ENPEP: variants seen among roughly 807,000 people sequenced by gnomAD.
The protein encoded by ENPEP is AP-A.
A neutral mutation model predicts 114.5 loss-of-function variants in ENPEP; 103 were observed. The ratio of observed to expected loss-of-function variants is 0.90; its 90% CI spans 0.77 to 1.06. The LOEUF is 1.06. Among genes scored for constraint, ENPEP ranks in the 50% least tolerant of loss-of-function variants. ENPEP has a pLI of 0.00. For missense variants in ENPEP, 1,196 were observed against 1,161.3 expected, an observed-to-expected ratio of 1.03 and a Z score of -0.43; for synonymous variants, 420 against 422.0, an observed-to-expected ratio of 1.00 and a Z score of 0.06.
rs79680609 is a variant in ENPEP, at chr4:110,527,278, G to C, written c.1728-3920G>C. ...AAGCCGTTGTACTCAACTCGTTGAGGCTCATTTCCGGCCTCTCTTCCTGGA... is the reference window on the plus strand; with the variant it reads ...AAGCCGTTGTACTCAACTCGTTGAGCCTCATTTCCGGCCTCTCTTCCTGGA... On this transcript the variant is annotated intron_variant, in intron 10 of 19. Transcript: ENST00000265162. Among the ~76,000 whole-genome samples, 1,460 of 152,226 alleles carry C rather than the reference G, an allele frequency of 9.6e-3. 29 individuals carry two copies. Among genetic ancestry groups the C allele is most frequent in the African/African-American group, 0.032 (1,312 of 41,532 alleles).
chr4:110,553,208 C>A, intron 17 of ENPEP, 107 bp from the exon 18 acceptor site: 2 of 988,620 alleles, frequency 2.0e-6, no homozygotes, highest in South Asian at 2.6e-5. Flanking sequence ...TCAGTTGATA[C>A]CTCAAGAATT....
At chr4:110,519,916 T>A in intron 8 of ENPEP, 92 bp from the exon 9 acceptor site, 1 of 1,120,428 alleles carries the variant, frequency 8.9e-7, no homozygotes, top group South Asian at 1.4e-5. Flanking sequence ...GCAATGGAGG[T>A]AGAATTGAGT....
chr4:110,482,305 G>A (rs1724339419), intron 1 of ENPEP, among the ~76,000 whole-genome samples: 1 of 152,302 alleles, frequency 6.6e-6, no homozygotes, highest in East Asian at 1.9e-4. Flanking sequence ...ATGAGGAAGG[G>A]TGAGTTAAAG....
intron 4 of ENPEP, among the ~76,000 whole-genome samples, chr4:110,508,269 CAAA>C (rs11451516): frequency 5.2e-4 from 57 of 109,334 alleles, no homozygotes; most frequent in African/African-American, 1.7e-3. Flanking sequence ...CAGTACTGAC[CAAA>C]AAAAAAAAAA....
chr4:110,494,465 G>C (rs1724851338), intron 3 of ENPEP, among the ~76,000 whole-genome samples: 1 of 152,052 alleles, frequency 6.6e-6, no homozygotes, highest in African/African-American at 2.4e-5. Flanking sequence ...TATTATTCTG[G>C]TACATTAACC....
At chr4:110,478,876 T>C (rs1220150433) in intron 1 of ENPEP, among the ~76,000 whole-genome samples, 2 of 152,256 alleles carry the variant, frequency 1.3e-5, no homozygotes, top group Non-Finnish European at 2.9e-5. Context: ...AACATACTTC[T>C]AAATACCTCT....
At chr4:110,487,782 G>GTA (rs1724557420) in intron 1 of ENPEP, among the ~76,000 whole-genome samples, 2 of 152,088 alleles carry the variant, frequency 1.3e-5, no homozygotes. Context: ...TGTAAAAAGT[G>GTA]TATGCTATTG....
chr4:110,497,854 C>T (rs552287478), intron 3 of ENPEP, among the ~76,000 whole-genome samples: 6 of 152,282 alleles, frequency 3.9e-5, no homozygotes, highest in Admixed American at 6.5e-5. Flanking sequence ...TGATGTATCA[C>T]TATTCCTTTC....
chr4:110,565,176 A>G lies in ENPEP; in HGVS notation c.*3618A>G, dbSNP rs1427686483. 4 of 152,290 alleles carry G rather than the reference A, an allele frequency of 2.6e-5. No homozygotes were observed. The highest frequency in any genetic ancestry group is 7.2e-5 in the African/African-American group (3 of 41,556). The allele number at this position is 152,290 out of a possible 1,614,324, so 9.4% of individuals were successfully genotyped here. A position where few individuals can be genotyped will look rare whatever the true frequency, so the allele number is the denominator to read the frequency against. On this transcript the variant is annotated 3_prime_UTR_variant, in exon 20 of 20. Coordinates refer to ENST00000265162, the MANE Select transcript of ENPEP (RefSeq NM_001977.4). ...GCCTGAAAGCTAAACATAGTTTTAC[A>G]TTTTTAGATGGTTGAAAAAATCAAA...
intron 18 of ENPEP, among the ~76,000 whole-genome samples, chr4:110,553,979 T>C (rs1402218326): frequency 1.3e-5 from 2 of 151,892 alleles, no homozygotes; most frequent in Non-Finnish European, 2.9e-5. Flanking sequence ...AAATGGGAAA[T>C]AGCAAGGACA....
At chr4:110,488,502 G>T in intron 1 of ENPEP, 39 bp from the exon 2 acceptor site, 3 of 1,559,564 alleles carry the variant, frequency 1.9e-6, no homozygotes, top group Non-Finnish European at 2.6e-6. Context: ...GTCAGAAGAG[G>T]CAGCATGCAT....
At chr4:110,531,507 T>C (rs1323483846) in intron 11 of ENPEP, among the ~76,000 whole-genome samples, 2 of 152,130 alleles carry the variant, frequency 1.3e-5, no homozygotes, top group Admixed American at 6.5e-5. Flanking sequence ...TAAATACCCA[T>C]ATCCAAAGGA....
At chr4:110,506,580 T>C in intron 3 of ENPEP, 57 bp from the exon 4 acceptor site, 1 of 1,537,996 alleles carries the variant, frequency 6.5e-7, no homozygotes, top group Non-Finnish European at 8.8e-7. Context: ...TCACAGTTTT[T>C]GTATTTTGTT....
At chr4:110,533,926 GC>G (rs1216697180) in intron 11 of ENPEP, among the ~76,000 whole-genome samples, 2 of 152,196 alleles carry the variant, frequency 1.3e-5, no homozygotes, top group African/African-American at 4.8e-5. Flanking sequence ...TAGTTACAGA[GC>G]TTTGATGACA....
At chr4:110,487,571 A>G (rs1236201091) in intron 1 of ENPEP, among the ~76,000 whole-genome samples, 12 of 152,186 alleles carry the variant, frequency 7.9e-5, no homozygotes, top group Non-Finnish European at 1.6e-4. Flanking sequence ...TGTTTCTTGG[A>G]TGAATGGATG....
chr4:110,486,945 G>A (rs1481901054), intron 1 of ENPEP, among the ~76,000 whole-genome samples: 1 of 152,124 alleles, frequency 6.6e-6, no homozygotes, highest in Non-Finnish European at 1.5e-5. Flanking sequence ...TGGGAAGTGG[G>A]GAGTGCTGAT....
rs1727428718 is a variant in ENPEP at position 110,555,194 on chromosome 4, A to G, written c.2642+1739A>G. 2.0e-5 allele frequency among the ~76,000 whole-genome samples: 3 copies of G among 152,050 alleles called. No homozygotes were observed. In the East Asian group the frequency reaches 5.8e-4, roughly 29 times the overall value. On this transcript the variant is annotated intron_variant, in intron 18 of 19. Coordinates refer to ENST00000265162, the MANE Select transcript of ENPEP (RefSeq NM_001977.4). Reference sequence around the variant, plus strand: ...AATCTAATGATCTAATTCTCATGAGACATTATTTCAAATGGCCCCAAATGT... The same window carrying G: ...AATCTAATGATCTAATTCTCATGAGGCATTATTTCAAATGGCCCCAAATGT...
At position 110,520,292 on chromosome 4, in the gene ENPEP, T is replaced by G. The variant is rs562331736; in HGVS notation, c.1653T>G (p.Gly551=). 2.4e-4 allele frequency: 391 copies of G among 1,614,054 alleles called. 9 individuals are homozygous for G. In the South Asian group the frequency reaches 4.1e-3, roughly 17 times the overall value. ...QMGYPVLNVN[G]VKNITQKRFL... ...GTTATCCTGTGCTTAACGTGAACGG[T>G]GTCAAGAACATCACACAGAAACGCT... Residue 551 remains glycine, a synonymous_variant, in exon 10 of 20, where the codon GGT becomes GGG. Transcript: ENST00000265162.
At chr4:110,481,858 G>T (rs1724322950) in intron 1 of ENPEP, among the ~76,000 whole-genome samples, 1 of 152,118 alleles carries the variant, frequency 6.6e-6, no homozygotes, top group East Asian at 1.9e-4. Context: ...GTTCTTCGTA[G>T]CGCTAGTAGG....
Sources: allele counts gnomAD v4.1 joint callset (sites outside exome capture counted in the v4.1 genomes callset), GRCh38; gene constraint gnomAD v4.1.1; transcripts MANE v1.5; gene names NCBI Gene and HGNC (gene_info 2026-07-23, HGNC 2026-07-21).